The following AP5Z1 variants were observed in gnomAD, a reference collection of about 807,000 sequenced individuals.
AP5Z1 encodes adaptor related protein complex 5 subunit zeta 1.
AP5Z1 carries 106 observed loss-of-function variants against 83.0 expected under a neutral mutation model. That is an observed-to-expected ratio of 1.28 (90% CI 1.09 to 1.50). The LOEUF (loss-of-function observed/expected upper bound fraction) is 1.50. AP5Z1 is among the 40% of genes most tolerant of loss of function. The pLI, the probability that AP5Z1 is intolerant of heterozygous loss-of-function variation, is 0.00. For missense variants in AP5Z1, 1,565 were observed against 1,094.2 expected (o/e 1.43, Z -6.07); for synonymous variants, 751 against 514.1 (o/e 1.46, Z -6.23).
Position 4,775,660 on chromosome 7 carries a change from T to C in AP5Z1, c.-56T>C, listed in dbSNP as rs1781203663. Reference sequence around the variant, plus strand: ...GAAGTTGACCGGGGTGCGGAGCTCCTGGGCTGCAGCTCCTGGAGTTTCCGA... The same window carrying C: ...GAAGTTGACCGGGGTGCGGAGCTCCCGGGCTGCAGCTCCTGGAGTTTCCGA... On this transcript the variant is annotated 5_prime_UTR_variant, in exon 1 of 17. Coordinates refer to ENST00000649063, the MANE Select transcript of AP5Z1 (RefSeq NM_014855.3). The C allele has an allele frequency of 7.5e-6, 12 of 1,601,914 alleles. No homozygotes were observed. Among genetic ancestry groups the C allele is most frequent in the Middle Eastern group, 1.6e-4 (1 of 6,076 alleles).
At chr7:4,788,587 G>A in intron 12 of AP5Z1, 1 of 495,660 alleles carries the variant, frequency 2.0e-6, no homozygotes, top group Non-Finnish European at 3.5e-6. Context: ...AGCCCAGGAA[G>A]CAGGAGGCCT....
chr7:4,792,157 C>G lies in AP5Z1; in HGVS notation c.*772C>G, dbSNP rs1012725733. On this transcript the variant is annotated 3_prime_UTR_variant, in exon 17 of 17. Transcript: ENST00000649063. ...GTGTCTGGGCGTGCGGCCCCAGCCC[C>G]GCCACCTTCCTGGGCCCTGTGGTCC... 6.6e-6 allele frequency: 1 copy of G among 152,216 alleles called. No individual in the cohort carries two copies. Among genetic ancestry groups the G allele is most frequent in the African/African-American group, 2.4e-5 (1 of 41,438 alleles). 9.4% of individuals were successfully genotyped at this position (152,216 alleles called of 1,614,324 possible).
chr7:4,783,712 C>A lies in AP5Z1; in HGVS notation c.535C>A (p.Arg179=), dbSNP rs1040399898. 1.9e-6 allele frequency: 3 copies of A among 1,550,536 alleles called. No individual in the cohort carries two copies. Among genetic ancestry groups the A allele is most frequent in the Non-Finnish European group, 2.6e-6 (3 of 1,146,960 alleles). The part of the protein sequence containing the change: ...QEDQATLLSK[R]LVDWLRYASL... ...AGACCAGGCCACCCTGCTCAGCAAG[C>A]GGCTGGTCGACTGGCTGCGCTACGC... is the stretch of plus-strand genomic sequence containing the variant. Residue 179 remains arginine (R), a synonymous_variant, in exon 5 of 17, where the codon CGG becomes AGG. Coordinates refer to ENST00000649063, the MANE Select transcript of AP5Z1 (RefSeq NM_014855.3).
rs1388539954 is a variant in AP5Z1 at position 4,786,779 on chromosome 7, T to TTTTC, written c.1311+355_1311+358dup. ...CACTTGGGTGCCATTTGCCTTTTTT[T>TTTTC]TTTCTTTTGAGATGGAGTCTCATTC... is the stretch of plus-strand genomic sequence containing the variant. On this transcript the variant is annotated intron_variant, in intron 10 of 16. Transcript: ENST00000649063. Among the ~76,000 whole-genome samples the TTTTC allele has an allele frequency of 4.6e-5, 7 of 152,028 alleles. 1 individual carries two copies. Among genetic ancestry groups the TTTTC allele is most frequent in the Non-Finnish European group, 1.0e-4 (7 of 67,934 alleles).
intron 1 of AP5Z1, among the ~76,000 whole-genome samples, chr7:4,779,035 AATAT>A (rs1482025051): frequency 6.9e-6 from 1 of 145,702 alleles, no homozygotes; most frequent in Non-Finnish European, 1.5e-5. Context: ...TATCTCAAAA[AATAT>A]ATATATAGAT....
intron 6 of AP5Z1, 83 bp downstream of exon 6, chr7:4,784,454 G>A (rs984256005): frequency 6.2e-6 from 9 of 1,460,080 alleles, no homozygotes; most frequent in Non-Finnish European, 8.2e-6. Flanking sequence ...ACGGGCGGAG[G>A]TGGGGGGACT....
rs764069383 is a variant in AP5Z1 at position 4,783,331 on chromosome 7, G to C, written c.382G>C (p.Glu128Gln). ...TGATTTGAAGGGTGACAGAAACGAGGAGGTCAGAGCCGTGGGCCAGGGCGT... is the reference window on the plus strand; with the variant it reads ...TGATTTGAAGGGTGACAGAAACGAGCAGGTCAGAGCCGTGGGCCAGGGCGT... Reference protein sequence around the residue: ...VLLAQGDRNEEVRAVGQGVLR... With the variant: ...VLLAQGDRNEQVRAVGQGVLR... The change falls in exon 4 of 17, where the codon GAG (glutamate) becomes CAG (glutamine). Residue 128 changes from glutamate (E) to glutamine (Q), a missense_variant. Physicochemically the swap from Glu to Gln is conservative, Grantham distance 29 (BLOSUM62 2). Coordinates refer to ENST00000649063, the MANE Select transcript of AP5Z1 (RefSeq NM_014855.3). 6.2e-6 allele frequency: 10 copies of C among 1,610,614 alleles called. No individual in the cohort carries two copies. The highest frequency in any genetic ancestry group is 8.5e-6 in the Non-Finnish European group (10 of 1,178,350).
Position 4,789,866 on chromosome 7 carries a change from T to G in AP5Z1, c.1742T>G (p.Leu581Arg). ...ADGSLINQLA[L>R]LLLGRSDSLY... ...GGGTCCCTGATCAACCAGCTGGCGC[T>G]GCTGCTCCTGGGCAGGAGCGACTCG... is the stretch of plus-strand genomic sequence containing the variant. The change falls in exon 14 of 17, where the codon CTG becomes CGG. Residue 581 changes from leucine (L) to arginine (R), a missense_variant. Leu to Arg is a moderately radical substitution (Grantham distance 102, BLOSUM62 -2). Coordinates refer to ENST00000649063, the MANE Select transcript of AP5Z1 (RefSeq NM_014855.3). 1 of 1,553,028 alleles carries G rather than the reference T, an allele frequency of 6.4e-7. No homozygotes were observed. The highest frequency in any genetic ancestry group is 8.7e-7 in the Non-Finnish European group (1 of 1,148,508).
intron 12 of AP5Z1, 193 bp from the exon 13 acceptor site, chr7:4,788,647 G>T (rs994502057): frequency 7.3e-6 from 4 of 546,260 alleles, no homozygotes; most frequent in Non-Finnish European, 1.3e-5. Flanking sequence ...CCTTTGTCCC[G>T]ATGGCTTTAC....
chr7:4,790,124 C>G lies in AP5Z1; in HGVS notation c.1805+195C>G, dbSNP rs1468410846. On this transcript the variant is annotated intron_variant, in intron 14 of 16. Coordinates refer to ENST00000649063, the MANE Select transcript of AP5Z1 (RefSeq NM_014855.3). ...CTTCTCTCTGCTTCTCAAGAACATTCCCGTCCTTCTTTCTGCCGAGCCTGT... is the reference window on the plus strand; with the variant it reads ...CTTCTCTCTGCTTCTCAAGAACATTGCCGTCCTTCTTTCTGCCGAGCCTGT... 69 of 1,408,978 alleles carry G rather than the reference C, an allele frequency of 4.9e-5. No individual in the cohort carries two copies. The Admixed American group carries it at 7.7e-4, about 16-fold the overall frequency. The allele number at this position is 1,408,978 out of a possible 1,614,324, so 87.3% of individuals were successfully genotyped here. A position where few individuals can be genotyped will look rare whatever the true frequency, so the allele number is the denominator to read the frequency against.
chr7:4,789,966 G>A (rs768190765), intron 14 of AP5Z1, 37 bp downstream of exon 14: 204 of 1,477,838 alleles, frequency 1.4e-4, no homozygotes, highest in Middle Eastern at 2.3e-4. Context: ...AGCCCTGGGC[G>A]GGTGCCTCCT....
chr7:4,786,487 C>T (rs1470381156), intron 10 of AP5Z1, 59 bp downstream of exon 10: 1 of 1,588,366 alleles, frequency 6.3e-7, no homozygotes, highest in Non-Finnish European at 8.6e-7. Context: ...TGGGGCTCCT[C>T]CCCTCTTTCC....
In AP5Z1 at chr7:4,791,533, G is replaced by T; in HGVS notation, c.*148G>T. ...GTGGGCTTGGCACCCTCACAGACAC[G>T]CGGGGCTGGCCCCCCTGCTCACCCT... On this transcript the variant is annotated 3_prime_UTR_variant, in exon 17 of 17. Transcript: ENST00000649063. 1 of 1,196,168 alleles carries T rather than the reference G, an allele frequency of 8.4e-7. No homozygotes were observed. Among genetic ancestry groups the T allele is most frequent in the Non-Finnish European group, 1.1e-6 (1 of 870,618 alleles). 74.1% of individuals were successfully genotyped at this position (1,196,168 alleles called of 1,614,324 possible).
In AP5Z1 at chr7:4,786,425, T is replaced by C. The variant is rs371537061; in HGVS notation, c.1308T>C (p.Phe436=). The change falls in exon 10 of 17, where the codon TTT becomes TTC. Residue 436 remains phenylalanine (F), a synonymous_variant. Coordinates refer to ENST00000649063, the MANE Select transcript of AP5Z1 (RefSeq NM_014855.3). ...TCAGATTGAGCTTCCCCAACCTCTTTAAGGTATATTTGGGCATCCCTGGGT... is the reference window on the plus strand; with the variant it reads ...TCAGATTGAGCTTCCCCAACCTCTTCAAGGTATATTTGGGCATCCCTGGGT... The part of the protein sequence containing the change: ...STLRLSFPNL[F]KFLAWNSPPL... The C allele has an allele frequency of 6.2e-6, 10 of 1,613,526 alleles. No individual in the cohort carries two copies. In the Admixed American group the frequency reaches 1.7e-4, roughly 27 times the overall value.
intron 1 of AP5Z1, among the ~76,000 whole-genome samples, chr7:4,776,367 C>G (rs1014735973): frequency 2.0e-5 from 3 of 152,038 alleles, no homozygotes; most frequent in Non-Finnish European, 2.9e-5. Context: ...TAAGCCAGGA[C>G]TGAACAGACT....
chr7:4,783,870 C>T, intron 5 of AP5Z1, 72 bp downstream of exon 5: 2 of 1,450,584 alleles, frequency 1.4e-6, no homozygotes, highest in Non-Finnish European at 1.9e-6. Flanking sequence ...GCTCCTGTGC[C>T]CACAGCGGCG....
In AP5Z1 at chr7:4,781,661, A is replaced by G; in HGVS notation, c.273A>G (p.Arg91=). 1 of 1,605,280 alleles carries G rather than the reference A, an allele frequency of 6.2e-7. No homozygotes were observed. Among genetic ancestry groups the G allele is most frequent in the Non-Finnish European group, 8.5e-7 (1 of 1,173,660 alleles). ...AGGTGCTTTGCGCCGCCATCCTGCG[A>G]GAGATGTCCCCCTCTGACAGCCTCA... is the stretch of plus-strand genomic sequence containing the variant. ...QLQVLCAAIL[R]EMSPSDSLSL... The change falls in exon 3 of 17, where the codon CGA becomes CGG. Residue 91 remains arginine (R), a synonymous_variant. Transcript: ENST00000649063.
chr7:4,775,936 G>A (rs1270332091), intron 1 of AP5Z1, among the ~76,000 whole-genome samples, 180 bp downstream of exon 1: 2 of 152,198 alleles, frequency 1.3e-5, no homozygotes, highest in African/African-American at 2.4e-5. Context: ...GAGGAGGTCG[G>A]GGAGGGTCAT....
Position 4,775,972 on chromosome 7 carries a change from T to C in AP5Z1, c.41+216T>C, listed in dbSNP as rs3750014. ...GGTGGGTCCCCGGAGGAGGTGACAC[T>C]TGAGCAGAGTCTTGGTGAGTGAAAG... is the stretch of plus-strand genomic sequence containing the variant. On this transcript the variant is annotated intron_variant, in intron 1 of 16. Transcript: ENST00000649063. Among the ~76,000 whole-genome samples the C allele has an allele frequency of 0.26, 39,338 of 151,904 alleles. 10,507 individuals are homozygous for C. The highest frequency in any genetic ancestry group is 0.68 in the African/African-American group (28,284 of 41,338).
Sources: allele counts gnomAD v4.1 joint callset (sites outside exome capture counted in the v4.1 genomes callset), GRCh38; gene constraint gnomAD v4.1.1; transcripts MANE v1.5; gene names NCBI Gene and HGNC (gene_info 2026-07-23, HGNC 2026-07-21).